The following CFAP299 variants were observed in gnomAD, a reference collection of about 807,000 sequenced individuals.
CFAP299 encodes the protein cilia and flagella associated protein 299.
In CFAP299, 21 loss-of-function variants were observed where a neutral mutation model predicts 27.0. That is an observed-to-expected ratio of 0.78 (90% CI 0.55 to 1.12). The LOEUF (loss-of-function observed/expected upper bound fraction) is 1.12, where lower values mean the gene tolerates loss of function less well. CFAP299 is among the 50% of genes most tolerant of loss of function. CFAP299 has a pLI of 0.00. For synonymous variants in CFAP299, 104 were observed against 98.1 expected (o/e 1.06, Z -0.36); for missense variants, 310 against 276.6 (o/e 1.12, Z -0.86).
At chr4:80,651,555 G>A (rs939087018) in intron 3 of CFAP299, among the ~76,000 whole-genome samples, 2 of 151,760 alleles carry the variant, frequency 1.3e-5, no homozygotes, top group African/African-American at 2.4e-5. Context: ...TGTAGAGATA[G>A]GGTCTCTCTC....
chr4:80,868,462 T>C (rs1017203359), intron 3 of CFAP299, among the ~76,000 whole-genome samples: 6 of 152,184 alleles, frequency 3.9e-5, no homozygotes, highest in Non-Finnish European at 8.8e-5. Context: ...TAGTACTTCA[T>C]GCATTTTTGA....
At chr4:80,673,908 A>G (rs1719203162) in intron 3 of CFAP299, among the ~76,000 whole-genome samples, 2 of 112,038 alleles carry the variant, frequency 1.8e-5, no homozygotes, top group Non-Finnish European at 3.6e-5. Context: ...TTTTTAGCTT[A>G]TGTGTGTCTT....
chr4:80,328,070 G>A, the CFAP299 span, among the ~76,000 whole-genome samples: 2 of 151,966 alleles, frequency 1.3e-5, no homozygotes, highest in South Asian at 2.1e-4. Context: ...AGTAATTGGC[G>A]ACCTAGAAAA....
At chr4:80,469,357 A>G (rs1243982768) in intron 2 of CFAP299, among the ~76,000 whole-genome samples, 1 of 152,220 alleles carries the variant, frequency 6.6e-6, no homozygotes, top group East Asian at 1.9e-4. Flanking sequence ...AGGAGTAACA[A>G]AGGATACATA....
intron 3 of CFAP299, among the ~76,000 whole-genome samples, chr4:80,839,160 T>C (rs1209440147): frequency 6.6e-6 from 1 of 152,212 alleles, no homozygotes; most frequent in African/African-American, 2.4e-5. Flanking sequence ...ATATACATTA[T>C]GCTTTTTCAT....
Position 80,800,746 on chromosome 4 carries a change from AGTGTGTGTGTGT to A in CFAP299, c.334-69236_334-69225del, listed in dbSNP as rs57119258. On this transcript the variant is annotated intron_variant, in intron 3 of 5. Coordinates refer to ENST00000358105, the MANE Select transcript of CFAP299 (RefSeq NM_152770.3). ...TCCATATGTGTATATATATATAATC[AGTGTGTGTGTGT>A]GTGTGTGTGTATATATATATATGTA... Among the ~76,000 whole-genome samples, 416 of 116,200 alleles carry A rather than the reference AGTGTGTGTGTGT, an allele frequency of 3.6e-3. 3 individuals are homozygous for A. Among genetic ancestry groups the A allele is most frequent in the Non-Finnish European group, 5.5e-3 (337 of 61,206 alleles). The allele number at this position is 116,200 out of a possible 152,430, so 76.2% of individuals were successfully genotyped here. A position where few individuals can be genotyped will look rare whatever the true frequency, so the allele number is the denominator to read the frequency against.
intron 3 of CFAP299, among the ~76,000 whole-genome samples, chr4:80,781,432 T>G (rs1180564515): frequency 6.6e-6 from 1 of 152,084 alleles, no homozygotes; most frequent in Non-Finnish European, 1.5e-5. Context: ...TTGTATAATA[T>G]TCTACAAGAG....
intron 3 of CFAP299, among the ~76,000 whole-genome samples, chr4:80,784,191 G>A (rs1376396079): frequency 6.6e-6 from 1 of 152,130 alleles, no homozygotes; most frequent in Admixed American, 6.6e-5. Flanking sequence ...TTACAAAGTG[G>A]TGTAGATATA....
chr4:80,939,896 G>A (rs1167169345), intron 4 of CFAP299, among the ~76,000 whole-genome samples: 1 of 152,112 alleles, frequency 6.6e-6, no homozygotes, highest in African/African-American at 2.4e-5. Context: ...TCCTGGGATT[G>A]TGTGTCTTCT....
At chr4:80,636,392 CA>C (rs776801509) in intron 3 of CFAP299, among the ~76,000 whole-genome samples, 5 of 152,032 alleles carry the variant, frequency 3.3e-5, no homozygotes, top group Middle Eastern at 3.4e-3. Flanking sequence ...CAAAGAAAAG[CA>C]ATAAAGTTTA....
intron 2 of CFAP299, among the ~76,000 whole-genome samples, chr4:80,562,749 G>A (rs181748603): frequency 1.8e-4 from 27 of 151,052 alleles, no homozygotes; most frequent in African/African-American, 6.3e-4. Context: ...AAGACATAGA[G>A]TGGATGAATG....
At chr4:80,454,603 A>G (rs1250178988) in intron 2 of CFAP299, among the ~76,000 whole-genome samples, 1 of 152,236 alleles carries the variant, frequency 6.6e-6, no homozygotes, top group African/African-American at 2.4e-5. Context: ...GGTTTGGCAG[A>G]CATTTGAGGA....
chr4:80,465,964 A>T (rs896497600), intron 2 of CFAP299, among the ~76,000 whole-genome samples: 3 of 152,222 alleles, frequency 2.0e-5, no homozygotes, highest in Non-Finnish European at 4.4e-5. Context: ...TGTATTTCAC[A>T]CTCAGAGAAA....
chr4:80,471,433 C>T (rs1360861698), intron 2 of CFAP299, among the ~76,000 whole-genome samples: 1 of 151,474 alleles, frequency 6.6e-6, no homozygotes, highest in African/African-American at 2.4e-5. Context: ...TACTGCTACA[C>T]CATTTAAAAG....
chr4:80,713,161 G>A (rs1429784477), intron 3 of CFAP299, among the ~76,000 whole-genome samples: 1 of 152,124 alleles, frequency 6.6e-6, no homozygotes, highest in African/African-American at 2.4e-5. Context: ...ATGTAGGTGA[G>A]AGATAGCACA....
chr4:80,442,840 A>G (rs1161751458), intron 2 of CFAP299, among the ~76,000 whole-genome samples: 1 of 152,186 alleles, frequency 6.6e-6, no homozygotes, highest in Non-Finnish European at 1.5e-5. Context: ...GACACAATAA[A>G]AAAGATAAAG....
rs144799743 is a variant in CFAP299 at position 80,377,082 on chromosome 4, A to G, written c.242+14198A>G. 3.3e-3 allele frequency among the ~76,000 whole-genome samples: 505 copies of G among 152,100 alleles called. 7 individuals are homozygous for G. The highest frequency in any genetic ancestry group is 0.012 in the African/African-American group (482 of 41,472). On this transcript the variant is annotated intron_variant, in intron 2 of 5. Coordinates refer to ENST00000358105, the MANE Select transcript of CFAP299 (RefSeq NM_152770.3). ...TGTACCTTGTCTTTTTATTTCCTTA[A>G]TAGTGTCTTTTGAAGAGTAGATTTA...
chr4:80,825,469 A>G (rs1479320639), intron 3 of CFAP299, among the ~76,000 whole-genome samples: 1 of 152,060 alleles, frequency 6.6e-6, no homozygotes, highest in Non-Finnish European at 1.5e-5. Context: ...TGCCAGCCAA[A>G]GACAATTATA....
chr4:80,518,764 G>A lies in CFAP299; in HGVS notation c.243-64329G>A, dbSNP rs149232311. ...TGGCCATCAGGTATCCCTGCCTGGC[G>A]AATGGGAGTATGGGGCCCTCAAGTT... On this transcript the variant is annotated intron_variant, in intron 2 of 5. Transcript: ENST00000358105. Among the ~76,000 whole-genome samples the A allele has an allele frequency of 6.3e-3, 960 of 152,270 alleles. 7 individuals are homozygous for A. Among genetic ancestry groups the A allele is most frequent in the South Asian group, 0.02 (96 of 4,820 alleles).
Sources: gnomAD v4.1 joint callset for allele counts (sites outside exome capture counted in the v4.1 genomes callset) on GRCh38, gnomAD v4.1.1 for gene constraint, MANE v1.5 for transcripts, NCBI Gene and HGNC (gene_info 2026-07-23, HGNC 2026-07-21) for gene names.